Variants in MRPS27 observed in about 807,000 individuals in gnomAD.
MRPS27 encodes the protein small ribosomal subunit protein mS27.
Under a neutral mutation model 48.9 loss-of-function variants are expected in MRPS27, and 43 were observed. That is an observed-to-expected ratio of 0.88 (90% CI 0.69 to 1.13). The LOEUF (loss-of-function observed/expected upper bound fraction) is 1.13. Among genes scored for constraint, MRPS27 ranks in the 50% most tolerant of loss-of-function variants. The probability of loss-of-function intolerance (pLI) is 0.00; values close to 1 mark genes in which losing one functional copy is unlikely to be tolerated. For missense variants in MRPS27, 467 were observed against 476.3 expected (o/e 0.98, Z 0.18); for synonymous variants, 188 against 171.9 (o/e 1.09, Z -0.73).
intron 1 of MRPS27, among the ~76,000 whole-genome samples, chr5:72,319,584 C>G (rs1363325013): frequency 1.4e-5 from 2 of 146,382 alleles, no homozygotes; most frequent in Non-Finnish European, 3.0e-5. Flanking sequence ...CGCTCTGTTG[C>G]CCAGGCTGGA....
chr5:72,253,469 A>C (rs1039966461), intron 4 of MRPS27, among the ~76,000 whole-genome samples: 13 of 152,234 alleles, frequency 8.5e-5, no homozygotes, highest in African/African-American at 2.9e-4. Flanking sequence ...CTCTGCTTAA[A>C]AGGAAAAATA....
intron 4 of MRPS27, among the ~76,000 whole-genome samples, chr5:72,250,159 A>T (rs1252484553): frequency 6.6e-6 from 1 of 152,174 alleles, no homozygotes; most frequent in Admixed American, 6.5e-5. Context: ...CTCAATAGGA[A>T]AATAAATCCA....
chr5:72,294,659 TG>T (rs1691449992), intron 4 of MRPS27: 1 of 152,124 alleles, frequency 6.6e-6, no homozygotes. Context: ...CTGAGTTTTG[TG>T]GGTAGTTCAC....
intron 2 of MRPS27, among the ~76,000 whole-genome samples, chr5:72,303,613 T>A (rs1750180202): frequency 6.6e-6 from 1 of 151,562 alleles, no homozygotes; most frequent in Non-Finnish European, 1.5e-5. Flanking sequence ...AAAAGAGAAA[T>A]TACAAAGAAA....
At position 72,223,690 on chromosome 5, in the gene MRPS27, C is replaced by T. The variant is rs745503396; in HGVS notation, c.998G>A (p.Arg333Gln). 9.3e-6 allele frequency: 15 copies of T among 1,613,836 alleles called. No homozygotes were observed. Among genetic ancestry groups the T allele is most frequent in the African/African-American group, 8.0e-5 (6 of 74,914 alleles). Residue 333 changes from arginine (R) to glutamine (Q), a missense_variant, in exon 10 of 11, where the codon CGA becomes CAA. Transcript: ENST00000261413. Reference sequence around the variant, plus strand: ...CGTTCTGCTATGATTCACCTTAAATCGTTCCAGGTATTGAGGAAGCTTGGA... The same window carrying T: ...CGTTCTGCTATGATTCACCTTAAATTGTTCCAGGTATTGAGGAAGCTTGGA... ...EQSKLPQYLE[R>Q]FKALHSKLQA...
chr5:72,308,168 C>G (rs532480218), intron 2 of MRPS27, among the ~76,000 whole-genome samples: 1 of 152,212 alleles, frequency 6.6e-6, no homozygotes, highest in Non-Finnish European at 1.5e-5. Flanking sequence ...ACTGCCCTCA[C>G]GCTAGGGCCC....
At chr5:72,268,140 T>C (rs965056401) in intron 4 of MRPS27, among the ~76,000 whole-genome samples, 2 of 152,160 alleles carry the variant, frequency 1.3e-5, no homozygotes, top group Non-Finnish European at 2.9e-5. Flanking sequence ...ACTTTGTTTC[T>C]TAGGTGGGGA....
chr5:72,319,537 CTTTTTTTTTTTTTT>C (rs35020848), intron 1 of MRPS27, among the ~76,000 whole-genome samples: 1 of 84,204 alleles, frequency 1.2e-5, no homozygotes, highest in Non-Finnish European at 2.2e-5. Flanking sequence ...TAGGTTTTTC[CTTTTTTTTTTTTTT>C]TTTTTTTTTT....
At chr5:72,289,208 T>C (rs933920722) in intron 4 of MRPS27, among the ~76,000 whole-genome samples, 1 of 152,118 alleles carries the variant, frequency 6.6e-6, no homozygotes, top group African/African-American at 2.4e-5. Context: ...ACGTACAGCA[T>C]GGATGAATGT....
intron 4 of MRPS27, among the ~76,000 whole-genome samples, chr5:72,292,549 T>C (rs1038738551): frequency 6.6e-6 from 1 of 152,180 alleles, no homozygotes; most frequent in African/African-American, 2.4e-5. Flanking sequence ...GATAGGGTGA[T>C]AATAAGCTGG....
At chr5:72,295,807 A>G (rs904821684) in intron 3 of MRPS27, among the ~76,000 whole-genome samples, 7 of 152,200 alleles carry the variant, frequency 4.6e-5, no homozygotes, top group African/African-American at 1.7e-4. Context: ...CTCTTTTTCT[A>G]TGTGTAGAAT....
chr5:72,257,225 G>A (rs914476660), intron 4 of MRPS27, among the ~76,000 whole-genome samples: 1 of 152,104 alleles, frequency 6.6e-6, no homozygotes, highest in Admixed American at 6.5e-5. Context: ...AAAGTCTTAC[G>A]TTCCTTCTCT....
At chr5:72,258,268 G>C (rs1455529360) in intron 4 of MRPS27, among the ~76,000 whole-genome samples, 1 of 152,124 alleles carries the variant, frequency 6.6e-6, no homozygotes, top group Non-Finnish European at 1.5e-5. Flanking sequence ...GTTCCAACGT[G>C]CACTAACATC....
At chr5:72,294,467 T>C (rs1041558131) in intron 4 of MRPS27, 4 of 152,174 alleles carry the variant, frequency 2.6e-5, no homozygotes, top group African/African-American at 4.8e-5. Flanking sequence ...TTTTGGAACA[T>C]AGGAACTGGA....
intron 4 of MRPS27, among the ~76,000 whole-genome samples, chr5:72,252,299 T>C (rs115890076): frequency 0.011 from 1,677 of 151,730 alleles, 14 homozygotes; most frequent in Admixed American, 0.017. Flanking sequence ...AATGAATACT[T>C]ATAAAAAATG....
chr5:72,233,828 CTTTA>C (rs1748123286), intron 6 of MRPS27, among the ~76,000 whole-genome samples: 1 of 152,022 alleles, frequency 6.6e-6, no homozygotes, highest in Admixed American at 6.6e-5. Flanking sequence ...TTACTTTATC[CTTTA>C]TTTATATTCT....
chr5:72,256,078 A>T (rs1055092874), intron 4 of MRPS27, among the ~76,000 whole-genome samples: 1 of 152,254 alleles, frequency 6.6e-6, no homozygotes, highest in Admixed American at 6.5e-5. Flanking sequence ...CCTGGAATGA[A>T]GTAAGTAGAT....
chr5:72,290,202 T>C (rs1749783480), intron 4 of MRPS27, among the ~76,000 whole-genome samples: 1 of 151,940 alleles, frequency 6.6e-6, no homozygotes, highest in African/African-American at 2.4e-5. Flanking sequence ...GACTTGGAGG[T>C]TATGGGGGGA....
chr5:72,232,563 C>A lies in MRPS27; in HGVS notation c.476-5G>T. On this transcript the variant is annotated splice_region_variant and splice_polypyrimidine_tract_variant and intron_variant, in intron 6 of 10. Transcript: ENST00000261413. ...CAAAAACCACAGATAAAGCATCTAG[C>A]AGAAGATGAAAGTAAAAAAGAGAGG... The A allele has an allele frequency of 6.3e-7, 1 of 1,597,198 alleles. No individual in the cohort carries two copies. The highest frequency in any genetic ancestry group is 8.6e-7 in the Non-Finnish European group (1 of 1,166,870).
Sources: gnomAD v4.1 joint callset for allele counts (sites outside exome capture counted in the v4.1 genomes callset) on GRCh38, gnomAD v4.1.1 for gene constraint, MANE v1.5 for transcripts, NCBI Gene and HGNC (gene_info 2026-07-23, HGNC 2026-07-21) for gene names.